The following LGI1 variants were observed in gnomAD, a reference collection of about 807,000 sequenced individuals.
The protein encoded by LGI1 is leucine-rich glioma-inactivated protein 1.
Under a neutral mutation model 57.7 loss-of-function variants are expected in LGI1, and 11 were observed. The ratio of observed to expected loss-of-function variants is 0.19; its 90% CI spans 0.12 to 0.32. The LOEUF (loss-of-function observed/expected upper bound fraction) is 0.32, where lower values mean the gene tolerates loss of function less well. Among genes scored for constraint, LGI1 ranks in the 10% least tolerant of loss-of-function variants. The probability of loss-of-function intolerance (pLI) is 1.00; values close to 1 mark genes in which losing one functional copy is unlikely to be tolerated. For synonymous variants in LGI1, 222 were observed against 241.9 expected (o/e 0.92, Z 0.76); for missense variants, 422 against 661.9 (o/e 0.64, Z 3.98).
chr10:93,792,235 T>C (rs938513502), intron 5 of LGI1: 1 of 154,336 alleles, frequency 6.5e-6, no homozygotes, highest in Admixed American at 6.3e-5. Flanking sequence ...AAATTTAGCA[T>C]CTGAATTGAG....
chr10:93,794,458 G>T (rs1257675402), intron 7 of LGI1: 6 of 149,646 alleles, frequency 4.0e-5, no homozygotes, highest in African/African-American at 1.5e-4. Context: ...CAGCCTCCTG[G>T]GTTCAAGCGA....
intron 7 of LGI1, chr10:93,794,525 T>G (rs12243032): frequency 1.3e-5 from 2 of 151,642 alleles, no homozygotes; most frequent in African/African-American, 4.9e-5. Flanking sequence ...CACCACGCCC[T>G]AATAATTTTT....
intron 7 of LGI1, among the ~76,000 whole-genome samples, chr10:93,796,705 AG>A (rs1412699118): frequency 6.6e-6 from 1 of 152,238 alleles, no homozygotes; most frequent in Non-Finnish European, 1.5e-5. Context: ...CTCGGGCCAT[AG>A]CTGTGTGTCC....
chr10:93,792,672 G>T, intron 5 of LGI1, 71 bp from the exon 6 acceptor site: 1 of 1,474,034 alleles, frequency 6.8e-7, no homozygotes, highest in Non-Finnish European at 9.5e-7. Context: ...CATGTTAATT[G>T]TTGATGTAGA....
At chr10:93,762,812 T>C (rs1378525580) in intron 2 of LGI1, 1 of 152,232 alleles carries the variant, frequency 6.6e-6, no homozygotes, top group Non-Finnish European at 1.5e-5. Flanking sequence ...AGGGTCCATG[T>C]ACAGGTTTGT....
At chr10:93,766,510 C>CGCTTTTTTTTTTTTT (rs2059679491) in intron 2 of LGI1, among the ~76,000 whole-genome samples, 1 of 17,560 alleles carries the variant, frequency 5.7e-5, no homozygotes, top group Non-Finnish European at 8.5e-5. Context: ...TTTTATAGAT[C>CGCTTTTTTTTTTTTT]TCTTTTTTTT....
At chr10:93,777,731 A>C in intron 4 of LGI1, 114 bp downstream of exon 4, 1 of 780,808 alleles carries the variant, frequency 1.3e-6, no homozygotes, top group Non-Finnish European at 2.2e-6. Flanking sequence ...AGAAACCCAA[A>C]TGACTTCTCT....
intron 4 of LGI1, among the ~76,000 whole-genome samples, chr10:93,782,173 A>G (rs1342003435): frequency 6.6e-6 from 1 of 152,188 alleles, no homozygotes; most frequent in Non-Finnish European, 1.5e-5. Context: ...TCTGGCATCT[A>G]TCTGAGCCAT....
At chr10:93,779,891 T>C (rs922613739) in intron 4 of LGI1, among the ~76,000 whole-genome samples, 1 of 152,204 alleles carries the variant, frequency 6.6e-6, no homozygotes, top group African/African-American at 2.4e-5. Context: ...TGTGGCTAAA[T>C]GAATATGACC....
chr10:93,789,396 G>A (rs1463463355), intron 4 of LGI1: 1 of 152,762 alleles, frequency 6.5e-6, no homozygotes, highest in Admixed American at 6.5e-5. Context: ...AGCAAGCGAG[G>A]AGGAAGCAGG....
At chr10:93,761,084 C>T (rs867464447) in intron 2 of LGI1, among the ~76,000 whole-genome samples, 4 of 152,044 alleles carry the variant, frequency 2.6e-5, no homozygotes, top group South Asian at 4.2e-4. Flanking sequence ...AACTCATGTG[C>T]GGTGTGTAGG....
intron 7 of LGI1, 71 bp from the exon 8 acceptor site, chr10:93,796,897 C>A: frequency 1.6e-6 from 2 of 1,261,540 alleles, no homozygotes; most frequent in Non-Finnish European, 2.3e-6. Context: ...GTTGTATGGC[C>A]CCAGCCCGCA....
intron 2 of LGI1, chr10:93,759,262 G>T: frequency 5.9e-6 from 1 of 168,772 alleles, no homozygotes; most frequent in Non-Finnish European, 1.3e-5. Context: ...TTTACCATGT[G>T]GGGAAAAAAA....
chr10:93,786,724 G>A lies in LGI1; in HGVS notation c.432-3375G>A, dbSNP rs189590211. Among the ~76,000 whole-genome samples, 463 of 149,318 alleles carry A rather than the reference G, an allele frequency of 3.1e-3. 130 individuals carry two copies. The highest frequency in any genetic ancestry group is 8.8e-3 in the African/African-American group (360 of 41,088). ...CATCCTCCAACCTCAGCCTCCCAGA[G>A]TAACTAGGACCACAGGCACACACCA... On this transcript the variant is annotated intron_variant, in intron 4 of 7. Coordinates refer to ENST00000371418, the MANE Select transcript of LGI1 (RefSeq NM_005097.4).
At chr10:93,763,300 ACACACACACACACG>A (rs560233595) in intron 2 of LGI1, 39,650 of 150,244 alleles carry the variant, frequency 0.26, 5,854 homozygotes, top group South Asian at 0.42. Context: ...ACACACAGAC[ACACACACACACACG>A]TGCCCAAACA....
chr10:93,785,622 T>C (rs1326687142), intron 4 of LGI1, among the ~76,000 whole-genome samples: 2 of 152,218 alleles, frequency 1.3e-5, no homozygotes. Flanking sequence ...GTATAGCAAC[T>C]AGAGCTTCTG....
At chr10:93,761,496 T>C (rs2059623025) in intron 2 of LGI1, among the ~76,000 whole-genome samples, 1 of 152,186 alleles carries the variant, frequency 6.6e-6, no homozygotes. Flanking sequence ...AATCTGATAA[T>C]GTCAGTATGC....
At chr10:93,778,707 A>G (rs1378199259) in intron 4 of LGI1, 2 of 152,220 alleles carry the variant, frequency 1.3e-5, no homozygotes, top group African/African-American at 2.4e-5. Context: ...TCAGTTCTAG[A>G]TACAGATGCA....
In LGI1 at chr10:93,759,744, G is replaced by T. The variant is rs371557524; in HGVS notation, c.287+913G>T. ...CAGGACCCAGGCCTTTCACTTGTTT[G>T]TTTTTTATTTTTTTATTTTCTTGCC... On this transcript the variant is annotated intron_variant, in intron 2 of 7. Coordinates refer to ENST00000371418, the MANE Select transcript of LGI1 (RefSeq NM_005097.4). 3.9e-5 allele frequency among the ~76,000 whole-genome samples: 6 copies of T among 152,210 alleles called. No individual in the cohort carries two copies. The East Asian group carries it at 1.2e-3, about 29-fold the overall frequency.
Sources: allele counts gnomAD v4.1 joint callset (sites outside exome capture counted in the v4.1 genomes callset), GRCh38; gene constraint gnomAD v4.1.1; transcripts MANE v1.5; gene names NCBI Gene and HGNC (gene_info 2026-07-23, HGNC 2026-07-21).